Variants in ERI3 observed in about 807,000 individuals in gnomAD.
ERI3 encodes the protein ERI1 exoribonuclease family member 3, also known as ERI1 exoribonuclease 3.
ERI3 carries 18 observed loss-of-function variants against 44.4 expected under a neutral mutation model. That is an observed-to-expected ratio of 0.41 (90% CI 0.28 to 0.60). The LOEUF is 0.60. Among genes scored for constraint, ERI3 ranks in the 20% least tolerant of loss-of-function variants. ERI3 has a pLI of 0.36. For missense variants in ERI3, 294 were observed against 435.5 expected (o/e 0.68, Z 2.89); for synonymous variants, 183 against 164.8 (o/e 1.11, Z -0.84).
chr1:44,322,587 A>T (rs1278208295), intron 3 of ERI3: 2 of 1,151,178 alleles, frequency 1.7e-6, no homozygotes, highest in Non-Finnish European at 2.3e-6. Flanking sequence ...TTCCTCCACA[A>T]CATGAGGAGC....
At chr1:44,309,451 C>T (rs933237834) in intron 5 of ERI3, among the ~76,000 whole-genome samples, 3 of 151,920 alleles carry the variant, frequency 2.0e-5, no homozygotes, top group Non-Finnish European at 4.4e-5. Flanking sequence ...GCTGAGATCA[C>T]ACCACTGCAC....
chr1:44,333,561 A>G (rs1038013400), intron 3 of ERI3, among the ~76,000 whole-genome samples: 9 of 152,224 alleles, frequency 5.9e-5, no homozygotes, highest in Admixed American at 3.9e-4. Flanking sequence ...GAAAGAAGCT[A>G]AACATGGGGC....
At chr1:44,297,651 C>T (rs1196631874) in intron 6 of ERI3, among the ~76,000 whole-genome samples, 2 of 152,310 alleles carry the variant, frequency 1.3e-5, no homozygotes, top group African/African-American at 4.8e-5. Flanking sequence ...CGCATGTGAC[C>T]TGTCTTTCCC....
In ERI3 at chr1:44,308,382, G is replaced by A. The variant is rs141832971; in HGVS notation, c.686C>T (p.Ala229Val). The A allele has an allele frequency of 6.9e-5, 111 of 1,613,854 alleles. No homozygotes were observed. The highest frequency in any genetic ancestry group is 8.2e-5 in the Non-Finnish European group (97 of 1,179,904). The change falls in exon 6 of 9, where the codon GCG becomes GTG. Residue 229 changes from alanine (A) to valine (V), a missense_variant. Ala to Val is a moderately conservative substitution (Grantham distance 64). Around this residue, in one of 2 missense-constraint regions of ERI3, gnomAD observed 187 missense variants for 338.6 expected, o/e 0.55. Coordinates refer to ENST00000372257, the MANE Select transcript of ERI3 (RefSeq NM_024066.3). Reference protein sequence around the residue: ...QVLERVDEWMAKEGLLDPNVK... With the variant: ...QVLERVDEWMVKEGLLDPNVK... Reference sequence around the variant, plus strand: ...GTTTGGATCTAAGAGGCCTTCCTTCGCCATCCATTCATCGACCCTCTGAAA... The same window carrying A: ...GTTTGGATCTAAGAGGCCTTCCTTCACCATCCATTCATCGACCCTCTGAAA...
chr1:44,261,967 G>A lies in ERI3; in HGVS notation c.832-13929C>T, dbSNP rs544935531. On this transcript the variant is annotated intron_variant, in intron 7 of 8. Coordinates refer to ENST00000372257, the MANE Select transcript of ERI3 (RefSeq NM_024066.3). ...CTGCTCTTTCAGCAGAACAGGAAGGGAACAGAGTAGAGGGAGGATCTGCTT... is the reference window on the plus strand; with the variant it reads ...CTGCTCTTTCAGCAGAACAGGAAGGAAACAGAGTAGAGGGAGGATCTGCTT... Among the ~76,000 whole-genome samples the A allele has an allele frequency of 2.6e-5, 4 of 152,302 alleles. No individual in the cohort carries two copies. In the South Asian group the frequency reaches 8.3e-4, roughly 32 times the overall value.
At position 44,319,110 on chromosome 1, in the gene ERI3, C is replaced by T. The variant is rs546045891; in HGVS notation, c.606+518G>A. Among the ~76,000 whole-genome samples, 7 of 152,376 alleles carry T rather than the reference C, an allele frequency of 4.6e-5. No homozygotes were observed. In the East Asian group the frequency reaches 1.2e-3, roughly 25 times the overall value. ...GTACCCACCTAGGATAAGCAGATTT[C>T]AGCCTTGGCCAGCCAGGTCTCATGC... On this transcript the variant is annotated intron_variant, in intron 4 of 8. Coordinates refer to ENST00000372257, the MANE Select transcript of ERI3 (RefSeq NM_024066.3).
At chr1:44,227,433 C>G (rs1333484945) in intron 8 of ERI3, among the ~76,000 whole-genome samples, 1 of 152,186 alleles carries the variant, frequency 6.6e-6, no homozygotes, top group African/African-American at 2.4e-5. Flanking sequence ...CCACATCTGT[C>G]TGTCCAGACA....
chr1:44,293,560 A>C (rs1311817817), intron 6 of ERI3, among the ~76,000 whole-genome samples: 1 of 152,166 alleles, frequency 6.6e-6, no homozygotes, highest in Non-Finnish European at 1.5e-5. Context: ...GTGGGGTAAG[A>C]AACTCTGGCA....
At chr1:44,352,207 G>T (rs979952660) in intron 2 of ERI3, among the ~76,000 whole-genome samples, 9 of 152,144 alleles carry the variant, frequency 5.9e-5, no homozygotes, top group African/African-American at 2.2e-4. Flanking sequence ...AAACAGACAG[G>T]TTGGAACTAA....
chr1:44,249,266 T>C (rs1644625220), intron 7 of ERI3, among the ~76,000 whole-genome samples: 1 of 152,022 alleles, frequency 6.6e-6, no homozygotes, highest in Non-Finnish European at 1.5e-5. Context: ...TTCCAGAAGT[T>C]GGATAGGTGG....
At chr1:44,256,907 T>C (rs1316529080) in intron 7 of ERI3, 1 of 152,222 alleles carries the variant, frequency 6.6e-6, no homozygotes, top group Non-Finnish European at 1.5e-5. Flanking sequence ...TCCTGAGCCA[T>C]GCTGCCTCAG....
chr1:44,298,542 C>T (rs1464337228), intron 6 of ERI3, among the ~76,000 whole-genome samples: 1 of 152,130 alleles, frequency 6.6e-6, no homozygotes, highest in Non-Finnish European at 1.5e-5. Context: ...TGGAATACTA[C>T]ACAGAAATAT....
chr1:44,238,945 G>A (rs761261066), intron 8 of ERI3, among the ~76,000 whole-genome samples: 9 of 152,008 alleles, frequency 5.9e-5, no homozygotes, highest in Non-Finnish European at 1.2e-4. Context: ...CAATTACAAC[G>A]CGGGGATGAG....
Position 44,349,328 on chromosome 1 carries a change from A to G in ERI3, c.211+3522T>C, listed in dbSNP as rs539450751. Among the ~76,000 whole-genome samples the G allele has an allele frequency of 8.6e-5, 13 of 151,830 alleles. No homozygotes were observed. In the South Asian group the frequency reaches 2.7e-3, roughly 32 times the overall value. On this transcript the variant is annotated intron_variant, in intron 2 of 8. Transcript: ENST00000372257. The stretch of plus-strand genomic sequence containing the variant: ...CCACCATGCCTGGCTAATTTTTTGT[A>G]TTTTTGTAGAGATGGGGTTTCACCA...
intron 8 of ERI3, among the ~76,000 whole-genome samples, chr1:44,244,502 C>T (rs1557779761): frequency 6.6e-6 from 1 of 152,180 alleles, no homozygotes; most frequent in Non-Finnish European, 1.5e-5. Context: ...GTTACCAATA[C>T]ATTTCTAGCA....
intron 7 of ERI3, among the ~76,000 whole-genome samples, chr1:44,281,193 G>C (rs1645275517): frequency 6.6e-6 from 1 of 152,162 alleles, no homozygotes; most frequent in African/African-American, 2.4e-5. Flanking sequence ...ACTCTGAACT[G>C]TTTAGTGTTA....
At chr1:44,250,973 C>CT (rs1464025033) in intron 7 of ERI3, among the ~76,000 whole-genome samples, 2 of 152,190 alleles carry the variant, frequency 1.3e-5, no homozygotes, top group Admixed American at 6.5e-5. Flanking sequence ...CCTGCAGAGC[C>CT]TAACCTTCAG....
At chr1:44,290,660 T>C (rs1406938220) in intron 6 of ERI3, among the ~76,000 whole-genome samples, 1 of 152,182 alleles carries the variant, frequency 6.6e-6, no homozygotes, top group East Asian at 1.9e-4. Context: ...AGCACTTAGC[T>C]GGGGACACAG....
At chr1:44,266,962 C>A (rs540400328) in intron 7 of ERI3, among the ~76,000 whole-genome samples, 2 of 152,192 alleles carry the variant, frequency 1.3e-5, no homozygotes, top group Non-Finnish European at 2.9e-5. Context: ...CCTGAACATA[C>A]CACTGTAGCT....
Sources: gnomAD v4.1 joint callset for allele counts (sites outside exome capture counted in the v4.1 genomes callset) on GRCh38, gnomAD v4.1.1 for gene constraint, gnomAD v4.1.1 regional missense constraint, MANE v1.5 for transcripts, NCBI Gene and HGNC (gene_info 2026-07-23, HGNC 2026-07-21) for gene names.